Variants in EP400 observed in about 807,000 individuals in gnomAD.
The protein encoded by EP400 is E1A-binding protein p400.
Under a neutral mutation model 354.1 loss-of-function variants are expected in EP400, and 105 were observed. The ratio of observed to expected loss-of-function variants is 0.30; its 90% confidence interval spans 0.25 to 0.35. The LOEUF is 0.35. EP400 is among the 10% of genes least tolerant of loss of function. The pLI, the probability that EP400 is intolerant of heterozygous loss-of-function variation, is 1.00. For synonymous variants in EP400, 1,646 were observed against 1,716.9 expected (o/e 0.96, Z 1.02); for missense variants, 3,280 against 4,121.0 (o/e 0.80, Z 5.59).
Position 132,025,463 on chromosome 12 carries a change from G to A in EP400, c.4856-183G>A, listed in dbSNP as rs1363272020. On this transcript the variant is annotated intron_variant, in intron 24 of 52. Transcript: ENST00000389561. This position sits in a 1 kb window ranked among gnomAD's most constrained non-coding sequence, Gnocchi z 4.1. ...AAGATACCTTGTCTCTTAGTGTGTC[G>A]TCATCCACTGTCGGTGATGGGTTGC... Among the ~76,000 whole-genome samples the A allele has an allele frequency of 6.6e-6, 1 of 152,160 alleles. No individual in the cohort carries two copies. Among genetic ancestry groups the A allele is most frequent in the Non-Finnish European group, 1.5e-5 (1 of 68,032 alleles).
Position 132,067,121 on chromosome 12 carries a change from C to T in EP400, c.8749+152C>T, listed in dbSNP as rs369514805. The T allele has an allele frequency of 8.5e-6, 10 of 1,178,612 alleles. No individual in the cohort carries two copies. In the African/African-American group the frequency reaches 1.6e-4, roughly 18 times the overall value. 73.0% of individuals were successfully genotyped at this position (1,178,612 alleles called of 1,614,324 possible). A position where few individuals can be genotyped will look rare whatever the true frequency, so the allele number is the denominator to read the frequency against. ...GTTCTAGCACAAACGTGCCTTGGCG[C>T]TTTCCAGGCGCAAGGCTGGGTCCTC... On this transcript the variant is annotated intron_variant, in intron 49 of 52. Coordinates refer to ENST00000389561, the MANE Select transcript of EP400 (RefSeq NM_015409.5). The surrounding 1 kb of genome is among the most constrained non-coding windows in gnomAD (Gnocchi z 5.3).
intron 39 of EP400, among the ~76,000 whole-genome samples, chr12:132,047,752 C>T (rs1040157195): frequency 2.0e-5 from 3 of 152,160 alleles, no homozygotes; most frequent in Non-Finnish European, 4.4e-5. Flanking sequence ...GAGCAGACAA[C>T]CAGTCTGACC....
chr12:131,971,689 T>TA (rs1214002541), intron 2 of EP400, among the ~76,000 whole-genome samples: 2 of 151,906 alleles, frequency 1.3e-5, no homozygotes, highest in East Asian at 1.9e-4. Flanking sequence ...AAGGTATGGG[T>TA]AAAATTTTTT....
At chr12:131,992,866 G>T (rs943808927) in intron 11 of EP400, among the ~76,000 whole-genome samples, 2 of 152,166 alleles carry the variant, frequency 1.3e-5, no homozygotes, top group Non-Finnish European at 2.9e-5. Context: ...TCTTTGATCA[G>T]CATCAGTGTG....
intron 47 of EP400, among the ~76,000 whole-genome samples, chr12:132,064,195 C>G (rs1003024923): frequency 6.6e-6 from 1 of 152,162 alleles, no homozygotes. Flanking sequence ...CTGCCAGGAG[C>G]TCTGTGTGCC....
intron 45 of EP400, among the ~76,000 whole-genome samples, chr12:132,055,699 T>A (rs1895479082): frequency 8.2e-6 from 1 of 121,354 alleles, no homozygotes; most frequent in African/African-American, 3.1e-5. Context: ...GTGTGAAGTG[T>A]AGGGGTGTGT....
In EP400 at chr12:132,075,475, G is replaced by A. The variant is rs751416246; in HGVS notation, c.9022-1041G>A. Among the ~76,000 whole-genome samples, 1 of 152,218 alleles carries A rather than the reference G, an allele frequency of 6.6e-6. No homozygotes were observed. Among genetic ancestry groups the A allele is most frequent in the Non-Finnish European group, 1.5e-5 (1 of 68,044 alleles). On this transcript the variant is annotated intron_variant, in intron 51 of 52. Coordinates refer to ENST00000389561, the MANE Select transcript of EP400 (RefSeq NM_015409.5). The surrounding 1 kb of genome is among the most constrained non-coding windows in gnomAD (Gnocchi z 4.5). Reference sequence around the variant, plus strand: ...TATTTAAGACGTCTCAGGATTTTCAGTGCTGTGCCAAGTAAGTCCTGGACC... The same window carrying A: ...TATTTAAGACGTCTCAGGATTTTCAATGCTGTGCCAAGTAAGTCCTGGACC...
At position 132,013,280 on chromosome 12, in the gene EP400, A is replaced by G. The variant is rs1005844119; in HGVS notation, c.3611+102A>G. On this transcript the variant is annotated intron_variant, in intron 17 of 52. Coordinates refer to ENST00000389561, the MANE Select transcript of EP400 (RefSeq NM_015409.5). The surrounding 1 kb of genome is among the most constrained non-coding windows in gnomAD (Gnocchi z 4.5). ...TTGCAGACACAAACAATGGCCTTTGAGCTAGAGAATTGCTTTTCATCTTCA... is the reference window on the plus strand; with the variant it reads ...TTGCAGACACAAACAATGGCCTTTGGGCTAGAGAATTGCTTTTCATCTTCA... 2 of 1,464,254 alleles carry G rather than the reference A, an allele frequency of 1.4e-6. No individual in the cohort carries two copies. Among genetic ancestry groups the G allele is most frequent in the Admixed American group, 2.3e-5 (1 of 43,700 alleles). The allele number at this position is 1,464,254 out of a possible 1,614,324, so 90.7% of individuals were successfully genotyped here. A position where few individuals can be genotyped will look rare whatever the true frequency, so the allele number is the denominator to read the frequency against.
Position 132,029,987 on chromosome 12 carries a change from A to G in EP400, c.5585-2A>G. 1.2e-6 allele frequency: 2 copies of G among 1,613,970 alleles called. No individual in the cohort carries two copies. Among genetic ancestry groups the G allele is most frequent in the Non-Finnish European group, 1.7e-6 (2 of 1,180,022 alleles). ...GCGCTCTTGATGTGATTCGTTTCCC[A>G]GGGAAGTTGGAAGCTTTAGCTATCT... On this transcript the variant is annotated splice_acceptor_variant, in intron 28 of 52. Coordinates refer to ENST00000389561, the MANE Select transcript of EP400 (RefSeq NM_015409.5). LOFTEE classifies it high-confidence loss of function. The surrounding 1 kb of genome is among the most constrained non-coding windows in gnomAD (Gnocchi z 4.7).
At position 132,037,671 on chromosome 12, in the gene EP400, T is replaced by G; in HGVS notation, c.5952-11T>G. On this transcript the variant is annotated splice_polypyrimidine_tract_variant and intron_variant, in intron 30 of 52. Transcript: ENST00000389561. Reference sequence around the variant, plus strand: ...GTGACTGACTTAGCATCTTACATCTTTTGTTTGCAGGCTTGTGAGTGGCAA... The same window carrying G: ...GTGACTGACTTAGCATCTTACATCTGTTGTTTGCAGGCTTGTGAGTGGCAA... 9 of 1,611,662 alleles carry G rather than the reference T, an allele frequency of 5.6e-6. No homozygotes were observed. The highest frequency in any genetic ancestry group is 7.6e-6 in the Non-Finnish European group (9 of 1,177,666).
intron 30 of EP400, among the ~76,000 whole-genome samples, chr12:132,035,706 G>T (rs1198106724): frequency 6.7e-6 from 1 of 148,170 alleles, no homozygotes. Flanking sequence ...GCACACCCAG[G>T]TTCACATGGA....
chr12:132,029,315 T>C lies in EP400; in HGVS notation c.5382-386T>C, dbSNP rs1214422137. 1.4e-5 allele frequency: 3 copies of C among 220,938 alleles called. No homozygotes were observed. Among genetic ancestry groups the C allele is most frequent in the Non-Finnish European group, 2.7e-5 (3 of 111,972 alleles). 13.7% of individuals were successfully genotyped at this position (220,938 alleles called of 1,614,324 possible). On this transcript the variant is annotated intron_variant, in intron 27 of 52. Coordinates refer to ENST00000389561, the MANE Select transcript of EP400 (RefSeq NM_015409.5). This position sits in a 1 kb window ranked among gnomAD's most constrained non-coding sequence, Gnocchi z 4.7. ...TTCACCCTGAGTCTGGCCCCCGTCCTGGTGGCACAGTGGCTATAGCAGTTC... is the reference window on the plus strand; with the variant it reads ...TTCACCCTGAGTCTGGCCCCCGTCCCGGTGGCACAGTGGCTATAGCAGTTC...
Position 132,029,803 on chromosome 12 carries a change from C to A in EP400, c.5484C>A (p.Gly1828=). The stretch of plus-strand genomic sequence containing the variant: ...ACAGAATGAGGATCTTGAGGCAGGG[C>A]CTGAGAGAGCACGCTGCGCCGTACT... ...YSHRMRILRQ[G]LREHAAPYFQ... is the part of the protein sequence containing the mutation. The change falls in exon 28 of 53, where the codon GGC becomes GGA. Residue 1828 remains glycine (G), a synonymous_variant. Coordinates refer to ENST00000389561, the MANE Select transcript of EP400 (RefSeq NM_015409.5). The surrounding 1 kb of genome is among the most constrained non-coding windows in gnomAD (Gnocchi z 4.7). The A allele has an allele frequency of 6.2e-7, 1 of 1,613,598 alleles. No individual in the cohort carries two copies. The highest frequency in any genetic ancestry group is 8.5e-7 in the Non-Finnish European group (1 of 1,180,048).
chr12:131,964,460 C>A (rs1445833218), intron 2 of EP400, among the ~76,000 whole-genome samples: 2 of 152,098 alleles, frequency 1.3e-5, no homozygotes, highest in Non-Finnish European at 2.9e-5. Context: ...GAGCAGGACT[C>A]CGTCTCAAAA....
rs1488284619 is a variant in EP400 at position 132,064,798 on chromosome 12, A to C, written c.8465A>C (p.Gln2822Pro). The part of the protein sequence containing the change: ...QVQTSQPPQQ[Q>P]SPQLTTVTAP... ...CAGACCTCGCAGCCGCCGCAGCAGC[A>C]GAGCCCCCAGCTCACGACGGTCACG... Residue 2822 changes from glutamine to proline, a missense_variant, in exon 48 of 53, where the codon CAG (glutamine) becomes CCG (proline). Transcript: ENST00000389561. 1 of 1,612,986 alleles carries C rather than the reference A, an allele frequency of 6.2e-7. No homozygotes were observed.
intron 1 of EP400, among the ~76,000 whole-genome samples, chr12:131,956,873 CTT>C (rs58567170): frequency 1.7e-5 from 2 of 115,368 alleles, no homozygotes; most frequent in African/African-American, 6.8e-5. Flanking sequence ...TTTTTTTGTC[CTT>C]TTTTTTTTTT....
At chr12:131,951,431 C>T (rs1297913120) in intron 1 of EP400, among the ~76,000 whole-genome samples, 1 of 151,800 alleles carries the variant, frequency 6.6e-6, no homozygotes, top group Non-Finnish European at 1.5e-5. Flanking sequence ...AATCCTACCG[C>T]CTTGGCCTCC....
chr12:131,986,590 C>G lies in EP400; in HGVS notation c.2006C>G (p.Ser669Cys). 1 of 1,614,096 alleles carries G rather than the reference C, an allele frequency of 6.2e-7. No homozygotes were observed. The highest frequency in any genetic ancestry group is 1.1e-5 in the South Asian group (1 of 91,086). ...PRPLPTSSTS[S>C]LAPVSGSGPG... Reference sequence around the variant, plus strand: ...CCTCTGCCCACCTCTTCTACCTCGTCCCTCGCGCCTGTGAGTGGCTCCGGC... The same window carrying G: ...CCTCTGCCCACCTCTTCTACCTCGTGCCTCGCGCCTGTGAGTGGCTCCGGC... Residue 669 changes from serine (S) to cysteine (C), a missense_variant, in exon 6 of 53, where the codon TCC (serine) becomes TGC (cysteine). This residue lies in a region of EP400 where 800 missense variants were observed against 840.0 expected (regional missense o/e 0.95). Transcript: ENST00000389561.
intron 41 of EP400, among the ~76,000 whole-genome samples, chr12:132,051,188 G>A (rs1895275949): frequency 6.6e-6 from 1 of 152,222 alleles, no homozygotes; most frequent in Non-Finnish European, 1.5e-5. Flanking sequence ...GTTTCTGACT[G>A]TCGGACTCTT....
Sources: gnomAD v4.1 joint callset for allele counts (sites outside exome capture counted in the v4.1 genomes callset) on GRCh38, gnomAD v4.1.1 for gene constraint, gnomAD v4.1.1 regional missense constraint, Gnocchi (gnomAD v3.1) non-coding constraint, MANE v1.5 for transcripts, NCBI Gene and HGNC (gene_info 2026-07-23, HGNC 2026-07-21) for gene names.